TRIM71: variants seen among roughly 807,000 people sequenced by gnomAD.
TRIM71 encodes the protein E3 ubiquitin-protein ligase TRIM71.
In TRIM71, 9 loss-of-function variants were observed where a neutral mutation model predicts 61.2. The observed-to-expected ratio is 0.15, with a 90% confidence interval of 0.09 to 0.26. The LOEUF (loss-of-function observed/expected upper bound fraction) is 0.26, where lower values mean the gene tolerates loss of function less well. Among genes scored for constraint, TRIM71 ranks in the 10% least tolerant of loss-of-function variants. The probability of loss-of-function intolerance (pLI) is 1.00; values close to 1 mark genes in which losing one functional copy is unlikely to be tolerated. For synonymous variants in TRIM71, 645 were observed against 553.2 expected, an observed-to-expected ratio of 1.17 and a Z score of -2.33; for missense variants, 998 against 1,238.7, an observed-to-expected ratio of 0.81 and a Z score of 2.92.
chr3:32,827,990 A>G (rs1296026347), intron 1 of TRIM71, among the ~76,000 whole-genome samples: 2 of 152,206 alleles, frequency 1.3e-5, no homozygotes, highest in African/African-American at 4.8e-5. Flanking sequence ...ATGCTGTTGT[A>G]TAAAAAATCT....
In TRIM71 at chr3:32,884,249, C is replaced by T. The variant is rs559550740; in HGVS notation, c.1021-1685C>T. Among the ~76,000 whole-genome samples the T allele has an allele frequency of 2.0e-5, 3 of 152,290 alleles. No homozygotes were observed. The East Asian group carries it at 5.8e-4, about 29-fold the overall frequency. On this transcript the variant is annotated intron_variant, in intron 2 of 3. Transcript: ENST00000383763. ...TACAGGCATTAGCCTCTGTGCCTGG[C>T]TTCCATGGGTGTTTTTGGGGCTGCA...
intron 1 of TRIM71, among the ~76,000 whole-genome samples, chr3:32,855,898 C>T (rs1696598134): frequency 6.6e-6 from 1 of 152,220 alleles, no homozygotes; most frequent in African/African-American, 2.4e-5. Context: ...GCTGGCCTCT[C>T]CTACAGGCAC....
At chr3:32,834,645 C>A (rs1696311374) in intron 1 of TRIM71, among the ~76,000 whole-genome samples, 1 of 152,066 alleles carries the variant, frequency 6.6e-6, no homozygotes, top group South Asian at 2.1e-4. Context: ...AGATCGAGAC[C>A]ATCCTGACCA....
chr3:32,821,764 C>G (rs927703867), intron 1 of TRIM71, among the ~76,000 whole-genome samples: 8 of 151,396 alleles, frequency 5.3e-5, no homozygotes, highest in African/African-American at 1.9e-4. Context: ...GCCGCGGGCC[C>G]GCTGCGTGCC....
intron 1 of TRIM71, among the ~76,000 whole-genome samples, chr3:32,867,859 G>A (rs1203419479): frequency 1.3e-5 from 2 of 152,130 alleles, no homozygotes; most frequent in East Asian, 3.8e-4. Flanking sequence ...CGTCTTGGAT[G>A]TTGGAGTTGC....
rs1014058260 is a variant in TRIM71 at position 32,895,091 on chromosome 3, TA to T, written c.*3285del. 2.0e-5 allele frequency: 3 copies of T among 152,184 alleles called. No homozygotes were observed. The highest frequency in any genetic ancestry group is 1.3e-4 in the Admixed American group (2 of 15,280). The allele number at this position is 152,184 out of a possible 1,614,324, so 9.4% of individuals were successfully genotyped here. On this transcript the variant is annotated 3_prime_UTR_variant, in exon 4 of 4. Coordinates refer to ENST00000383763, the MANE Select transcript of TRIM71 (RefSeq NM_001039111.3). ...GTTTAAAGGACATCTAACCCATAGG[TA>T]AAAACTACTTTTGCTTGACACTGAC...
At chr3:32,885,815 A>C (rs1318741522) in intron 2 of TRIM71, 119 bp from the exon 3 acceptor site, 1 of 1,392,532 alleles carries the variant, frequency 7.2e-7, no homozygotes, top group Non-Finnish European at 9.7e-7. Flanking sequence ...GGAGTGAATC[A>C]AGTGGTCTGG....
intron 1 of TRIM71, among the ~76,000 whole-genome samples, chr3:32,845,545 G>A (rs537725023): frequency 1.8e-4 from 28 of 152,196 alleles, no homozygotes; most frequent in Non-Finnish European, 3.8e-4. Context: ...TTACTCACAG[G>A]TACAAACCCT....
intron 3 of TRIM71, among the ~76,000 whole-genome samples, chr3:32,889,145 CTG>C (rs1696994905): frequency 6.6e-6 from 1 of 152,192 alleles, no homozygotes; most frequent in East Asian, 1.9e-4. Context: ...AACTACAACT[CTG>C]TGTGAGCAAG....
chr3:32,818,067 G>A lies in TRIM71; in HGVS notation c.-14G>A. The A allele has an allele frequency of 6.2e-7, 1 of 1,609,426 alleles. No individual in the cohort carries two copies. Among genetic ancestry groups the A allele is most frequent in the South Asian group, 1.1e-5 (1 of 91,000 alleles). On this transcript the variant is annotated 5_prime_UTR_variant, in exon 1 of 4. Transcript: ENST00000383763. Reference sequence around the variant, plus strand: ...TCCTCTCTGGTCTCCTCCCTCCTCCGGGCTGGGTTGCAAATGGCTTCGTTC... The same window carrying A: ...TCCTCTCTGGTCTCCTCCCTCCTCCAGGCTGGGTTGCAAATGGCTTCGTTC...
chr3:32,827,344 C>T (rs537971459), intron 1 of TRIM71, among the ~76,000 whole-genome samples: 4 of 141,518 alleles, frequency 2.8e-5, no homozygotes, highest in South Asian at 4.6e-4. Context: ...GCTCCTTGTA[C>T]CTTCTGCCTC....
chr3:32,843,037 G>C lies in TRIM71; in HGVS notation c.852+24105G>C, dbSNP rs1188522414. On this transcript the variant is annotated intron_variant, in intron 1 of 3. Transcript: ENST00000383763. The stretch of plus-strand genomic sequence containing the variant: ...GAGGGCGGGGGTGGGACTATTTATA[G>C]GATTATCGGGGTGTTGGCCACAGCC... Among the ~76,000 whole-genome samples, 6 of 152,144 alleles carry C rather than the reference G, an allele frequency of 3.9e-5. No individual in the cohort carries two copies. The East Asian group carries it at 1.2e-3, about 29-fold the overall frequency.
At chr3:32,833,184 TAA>T (rs1182178339) in intron 1 of TRIM71, among the ~76,000 whole-genome samples, 1,699 of 54,356 alleles carry the variant, frequency 0.031, 37 homozygotes, top group African/African-American at 0.086. Flanking sequence ...ACTCTGTCTT[TAA>T]AAAAAAAAAA....
chr3:32,839,683 T>C (rs1408892887), intron 1 of TRIM71, among the ~76,000 whole-genome samples: 1 of 134,158 alleles, frequency 7.5e-6, no homozygotes, highest in South Asian at 2.9e-4. Context: ...GGGGGTGGGG[T>C]CCCTTATCGC....
intron 1 of TRIM71, among the ~76,000 whole-genome samples, chr3:32,844,974 C>T (rs1357400889): frequency 8.5e-5 from 13 of 152,144 alleles, no homozygotes; most frequent in African/African-American, 3.1e-4. Context: ...GAGCGAAACT[C>T]CCCAAAGTTG....
chr3:32,892,066 C>T lies in TRIM71; in HGVS notation c.*255C>T, dbSNP rs1176775239. Reference sequence around the variant, plus strand: ...CCTGTGAAGTGATAATTTCTATCTACCTCATAAATCTTTACATTTCCTTCT... The same window carrying T: ...CCTGTGAAGTGATAATTTCTATCTATCTCATAAATCTTTACATTTCCTTCT... On this transcript the variant is annotated 3_prime_UTR_variant, in exon 4 of 4. Transcript: ENST00000383763. The T allele has an allele frequency of 2.3e-6, 1 of 432,518 alleles. No homozygotes were observed. The highest frequency in any genetic ancestry group is 4.0e-6 in the Non-Finnish European group (1 of 251,876). 26.8% of individuals were successfully genotyped at this position (432,518 alleles called of 1,614,324 possible). A position where few individuals can be genotyped will look rare whatever the true frequency, so the allele number is the denominator to read the frequency against.
At chr3:32,864,192 C>T (rs1023383528) in intron 1 of TRIM71, among the ~76,000 whole-genome samples, 1 of 152,212 alleles carries the variant, frequency 6.6e-6, no homozygotes, top group African/African-American at 2.4e-5. Context: ...AATCCTCCCA[C>T]CTCAGCCTTC....
chr3:32,824,762 T>A (rs1019815951), intron 1 of TRIM71, among the ~76,000 whole-genome samples: 2 of 152,044 alleles, frequency 1.3e-5, no homozygotes, highest in Non-Finnish European at 2.9e-5. Context: ...GGGATTTCAG[T>A]CATGAGCCAC....
chr3:32,836,738 G>A (rs1696338829), intron 1 of TRIM71, among the ~76,000 whole-genome samples: 1 of 152,210 alleles, frequency 6.6e-6, no homozygotes. Context: ...TTGGCTGTGG[G>A]TGAAGAGTAG....
Sources: gnomAD v4.1 joint callset for allele counts (sites outside exome capture counted in the v4.1 genomes callset) on GRCh38, gnomAD v4.1.1 for gene constraint, MANE v1.5 for transcripts, NCBI Gene and HGNC (gene_info 2026-07-23, HGNC 2026-07-21) for gene names.